The following CFAP206 variants were observed in gnomAD, a reference collection of about 807,000 sequenced individuals.
CFAP206 encodes the protein cilia- and flagella-associated protein 206.
Under a neutral mutation model 65.4 loss-of-function variants are expected in CFAP206, and 53 were observed. The ratio of observed to expected loss-of-function variants is 0.81; its 90% CI spans 0.65 to 1.02. CFAP206 has a LOEUF of 1.02. CFAP206 is among the 50% of genes least tolerant of loss of function. The pLI is 0.00. For synonymous variants in CFAP206, 250 were observed against 254.4 expected, an observed-to-expected ratio of 0.98 and a Z score of 0.17; for missense variants, 663 against 753.2, an observed-to-expected ratio of 0.88 and a Z score of 1.40.
At position 87,428,650 on chromosome 6, in the gene CFAP206, C is replaced by T; in HGVS notation, c.985C>T (p.Leu329=). ...VFPIFIALST[L]WTSLQDETIV... ...GCCTATCTTCATTGCACTTTCTACT[C>T]TGTGGACCAGCTTGCAAGACGAAAC... The change falls in exon 9 of 13, where the codon CTG becomes TTG. Residue 329 remains leucine (L), a synonymous_variant. Transcript: ENST00000369562. 1 of 1,614,040 alleles carries T rather than the reference C, an allele frequency of 6.2e-7. No homozygotes were observed. Among genetic ancestry groups the T allele is most frequent in the Non-Finnish European group, 8.5e-7 (1 of 1,179,986 alleles).
At chr6:87,423,417 T>A (rs978531833) in intron 7 of CFAP206, among the ~76,000 whole-genome samples, 2 of 151,390 alleles carry the variant, frequency 1.3e-5, no homozygotes, top group African/African-American at 4.8e-5. Context: ...TCCGGCTAAT[T>A]TTTTGTACTC....
At chr6:87,423,139 G>A (rs1274003589) in intron 7 of CFAP206, among the ~76,000 whole-genome samples, 3 of 151,954 alleles carry the variant, frequency 2.0e-5, no homozygotes, top group East Asian at 1.9e-4. Context: ...GCCTGGTCTC[G>A]AACTCCTGGC....
intron 11 of CFAP206, among the ~76,000 whole-genome samples, chr6:87,456,409 T>C (rs777694938): frequency 6.6e-6 from 1 of 151,968 alleles, no homozygotes; most frequent in Non-Finnish European, 1.5e-5. Context: ...GACCCAGAGG[T>C]AGTATCATAC....
At chr6:87,431,690 C>CG (rs1265665994) in intron 10 of CFAP206, among the ~76,000 whole-genome samples, 1 of 152,098 alleles carries the variant, frequency 6.6e-6, no homozygotes, top group Non-Finnish European at 1.5e-5. Context: ...CACTTGAACC[C>CG]GGGAGGCAGA....
At position 87,431,140 on chromosome 6, in the gene CFAP206, A is replaced by G. The variant is rs1297452908; in HGVS notation, c.1267A>G (p.Thr423Ala). The G allele has an allele frequency of 6.2e-7, 1 of 1,613,976 alleles. No individual in the cohort carries two copies. The highest frequency in any genetic ancestry group is 8.5e-7 in the Non-Finnish European group (1 of 1,179,940). The change falls in exon 10 of 13, where the codon ACG becomes GCG. Residue 423 changes from threonine to alanine, a missense_variant. By Grantham distance (58) the Thr-to-Ala change is moderately conservative. Coordinates refer to ENST00000369562, the MANE Select transcript of CFAP206 (RefSeq NM_001031743.3). ...TCAATATCGGGGATTTTGTGCTTAC[A>G]CGTTTGCTGCAACAGATGGTCTTCT... ...LIQYRGFCAYTFAATDGLLLP... is the reference protein window; with the variant it reads ...LIQYRGFCAYAFAATDGLLLP...
chr6:87,452,245 T>C (rs1179182668), intron 11 of CFAP206, among the ~76,000 whole-genome samples: 1 of 152,270 alleles, frequency 6.6e-6, no homozygotes, highest in East Asian at 1.9e-4. Flanking sequence ...TCTGCAACGG[T>C]CACAGTGTTA....
In CFAP206 at chr6:87,448,882, A is replaced by G. The variant is rs375431459; in HGVS notation, c.1495-12140A>G. Among the ~76,000 whole-genome samples, 12 of 152,180 alleles carry G rather than the reference A, an allele frequency of 7.9e-5. No individual in the cohort carries two copies. In the East Asian group the frequency reaches 2.1e-3, roughly 27 times the overall value. On this transcript the variant is annotated intron_variant, in intron 11 of 12. Coordinates refer to ENST00000369562, the MANE Select transcript of CFAP206 (RefSeq NM_001031743.3). ...GAATGATATTCTATTGTGTAAATATACCATATTTTCTTTATTCTCCTGTTG... is the reference window on the plus strand; with the variant it reads ...GAATGATATTCTATTGTGTAAATATGCCATATTTTCTTTATTCTCCTGTTG...
chr6:87,433,845 A>G (rs1035408045), intron 10 of CFAP206, among the ~76,000 whole-genome samples: 2 of 152,128 alleles, frequency 1.3e-5, no homozygotes, highest in Admixed American at 1.3e-4. Flanking sequence ...CATGCTTGTA[A>G]TCCCAGCACT....
intron 11 of CFAP206, among the ~76,000 whole-genome samples, chr6:87,460,686 C>T (rs1235473595): frequency 1.3e-5 from 2 of 151,974 alleles, no homozygotes; most frequent in East Asian, 1.9e-4. Context: ...ACTGTGGTCA[C>T]TACCTGGGTG....
intron 11 of CFAP206, among the ~76,000 whole-genome samples, chr6:87,456,954 C>G (rs1320914326): frequency 1.3e-5 from 2 of 151,934 alleles, no homozygotes; most frequent in Non-Finnish European, 2.9e-5. Flanking sequence ...TCGAAACCAT[C>G]CTGGCTAACA....
chr6:87,459,037 A>G (rs1582153954), intron 11 of CFAP206, among the ~76,000 whole-genome samples: 1 of 152,194 alleles, frequency 6.6e-6, no homozygotes, highest in East Asian at 1.9e-4. Context: ...CCTGGAGCTG[A>G]TAATTCATTT....
chr6:87,436,881 C>T (rs985205026), intron 11 of CFAP206: 2 of 152,178 alleles, frequency 1.3e-5, no homozygotes, highest in African/African-American at 4.8e-5. Context: ...CATTATAAGG[C>T]TTGTCAGTTA....
At position 87,426,568 on chromosome 6, in the gene CFAP206, A is replaced by G; in HGVS notation, c.883A>G (p.Lys295Glu). The G allele has an allele frequency of 6.2e-7, 1 of 1,601,690 alleles. No homozygotes were observed. Among genetic ancestry groups the G allele is most frequent in the Non-Finnish European group, 8.5e-7 (1 of 1,173,518 alleles). Residue 295 changes from lysine to glutamate, a missense_variant, in exon 8 of 13, where the codon AAA (lysine) becomes GAA (glutamate). Lys to Glu is a moderately conservative substitution (Grantham distance 56, BLOSUM62 1). Coordinates refer to ENST00000369562, the MANE Select transcript of CFAP206 (RefSeq NM_001031743.3). ...TGCTCAAGAAGTGGAAATGATGACAAAACAGTTAGGAGCCCATCTGGAACA... is the reference window on the plus strand; with the variant it reads ...TGCTCAAGAAGTGGAAATGATGACAGAACAGTTAGGAGCCCATCTGGAACA... ...TGAQEVEMMT[K>E]QLGAHLEQLK...
chr6:87,451,936 A>T (rs1357509772), intron 11 of CFAP206, among the ~76,000 whole-genome samples: 1 of 151,858 alleles, frequency 6.6e-6, no homozygotes, highest in Non-Finnish European at 1.5e-5. Context: ...AGGATCTATC[A>T]CTTGCTGACT....
At position 87,464,030 on chromosome 6, in the gene CFAP206, G is replaced by A. The variant is rs139574881; in HGVS notation, c.1649G>A (p.Arg550His). The A allele has an allele frequency of 1.8e-3, 2,814 of 1,606,730 alleles. 5 individuals are homozygous for A. The highest frequency in any genetic ancestry group is 4.0e-3 in the East Asian group (180 of 44,798). ...TCTCTTTCTCTTTAGGCTAATTTGC[G>A]CCAGAAAGTTACTCACTCAGTACAA... ...RRKAIKLANLRQKVTHSVQTD... is the reference protein window; with the variant it reads ...RRKAIKLANLHQKVTHSVQTD... The change falls in exon 13 of 13, where the codon CGC (arginine) becomes CAC (histidine). Residue 550 changes from arginine to histidine, a missense_variant. Coordinates refer to ENST00000369562, the MANE Select transcript of CFAP206 (RefSeq NM_001031743.3).
chr6:87,416,561 T>G, intron 5 of CFAP206, 108 bp from the exon 6 acceptor site: 1 of 934,120 alleles, frequency 1.1e-6, no homozygotes, highest in Non-Finnish European at 1.5e-6. Context: ...AAGAATCATA[T>G]AAGTAACTCA....
chr6:87,454,558 A>G (rs1423982512), intron 11 of CFAP206, among the ~76,000 whole-genome samples: 1 of 152,142 alleles, frequency 6.6e-6, no homozygotes, highest in African/African-American at 2.4e-5. Context: ...GAATAAAACT[A>G]GAAATTGGCT....
At chr6:87,447,906 G>T (rs1191270991) in intron 11 of CFAP206, among the ~76,000 whole-genome samples, 1 of 148,302 alleles carries the variant, frequency 6.7e-6, no homozygotes, top group Non-Finnish European at 1.5e-5. Flanking sequence ...TCAGTCTTGG[G>T]AGGGTGTATG....
chr6:87,460,920 ATT>A, intron 11 of CFAP206, 100 bp from the exon 12 acceptor site: 3 of 956,028 alleles, frequency 3.1e-6, no homozygotes, highest in Admixed American at 3.6e-5. Flanking sequence ...TCCAAAAATT[ATT>A]GTTTTTTAAG....
Sources: gnomAD v4.1 joint callset for allele counts (sites outside exome capture counted in the v4.1 genomes callset) on GRCh38, gnomAD v4.1.1 for gene constraint, MANE v1.5 for transcripts, NCBI Gene and HGNC (gene_info 2026-07-23, HGNC 2026-07-21) for gene names.